Variants in RPS6KA2 observed in about 807,000 individuals in gnomAD.
The protein encoded by RPS6KA2 is ribosomal protein S6 kinase A2, also known as ribosomal protein S6 kinase alpha-2.
RPS6KA2 carries 42 observed loss-of-function variants against 91.8 expected under a neutral mutation model. The ratio of observed to expected loss-of-function variants is 0.46; its 90% CI spans 0.36 to 0.59. RPS6KA2 has a LOEUF of 0.59. Among genes scored for constraint, RPS6KA2 ranks in the 20% least tolerant of loss-of-function variants. The probability of loss-of-function intolerance (pLI) is 0.00; values close to 1 mark genes in which losing one functional copy is unlikely to be tolerated. For missense variants in RPS6KA2, 798 were observed against 978.5 expected (o/e 0.82, Z 2.46); for synonymous variants, 414 against 393.6 (o/e 1.05, Z -0.61).
chr6:166,716,065 G>GGAAA (rs368354665), intron 2 of RPS6KA2, among the ~76,000 whole-genome samples: 22,978 of 85,498 alleles, frequency 0.27, 3,884 homozygotes, highest in African/African-American at 0.45. Flanking sequence ...AAAAAAAGAA[G>GGAAA]GAAAGAAAGA....
At position 166,556,833 on chromosome 6, in the gene RPS6KA2, C is replaced by CA. The variant is rs1337463989; in HGVS notation, c.100-18050dup. Among the ~76,000 whole-genome samples, 10 of 152,100 alleles carry CA rather than the reference C, an allele frequency of 6.6e-5. No homozygotes were observed. The East Asian group carries it at 7.7e-4, about 12-fold the overall frequency. On this transcript the variant is annotated intron_variant, in intron 1 of 20. Transcript: ENST00000265678. Reference sequence around the variant, plus strand: ...CACCAGAAACCCAAACAAAACACAACAAAAAAAACTTGTCAGGGCAGTCTT... The same window carrying CA: ...CACCAGAAACCCAAACAAAACACAACAAAAAAAAACTTGTCAGGGCAGTCTT...
At chr6:166,519,999 T>A (rs1782796231) in intron 3 of RPS6KA2, among the ~76,000 whole-genome samples, 1 of 152,116 alleles carries the variant, frequency 6.6e-6, no homozygotes, top group Non-Finnish European at 1.5e-5. Context: ...TGAGTAAAGA[T>A]CACCCTCCCC....
intron 2 of RPS6KA2, among the ~76,000 whole-genome samples, chr6:166,772,406 A>G (rs999089422): frequency 2.0e-5 from 3 of 152,226 alleles, no homozygotes; most frequent in Non-Finnish European, 2.9e-5. Context: ...GGAGTCGAGC[A>G]AGGAGGAAGA....
intron 1 of RPS6KA2, among the ~76,000 whole-genome samples, chr6:166,624,357 C>G (rs1786753412): frequency 6.6e-6 from 1 of 152,216 alleles, no homozygotes; most frequent in South Asian, 2.1e-4. Flanking sequence ...AAATACACAT[C>G]TGTGTTCAGT....
At chr6:166,487,001 T>C (rs1181233977) in intron 10 of RPS6KA2, among the ~76,000 whole-genome samples, 3 of 152,222 alleles carry the variant, frequency 2.0e-5, no homozygotes, top group Non-Finnish European at 4.4e-5. Flanking sequence ...TGTGGACGTT[T>C]CATAATTGAT....
At chr6:166,819,218 T>C (rs940423032) in intron 2 of RPS6KA2, among the ~76,000 whole-genome samples, 2 of 152,220 alleles carry the variant, frequency 1.3e-5, no homozygotes, top group African/African-American at 4.8e-5. Context: ...AGGAATTCCA[T>C]CTATGTGTTG....
At chr6:166,862,494 C>T in exon 1 of RPS6KA2, 1 of 670,200 alleles carries the variant, frequency 1.5e-6, no homozygotes, top group South Asian at 2.2e-5. Context: ...GGCGCTGCGG[C>T]TTCGGAATCT....
At chr6:166,534,955 G>A (rs1041690249) in intron 2 of RPS6KA2, among the ~76,000 whole-genome samples, 2 of 152,204 alleles carry the variant, frequency 1.3e-5, no homozygotes, top group East Asian at 1.9e-4. Context: ...GCTGGTCTGC[G>A]ACAGGGATCT....
At chr6:166,721,239 G>A (rs966352364) in intron 2 of RPS6KA2, among the ~76,000 whole-genome samples, 4 of 152,222 alleles carry the variant, frequency 2.6e-5, no homozygotes, top group African/African-American at 7.2e-5. Flanking sequence ...GACATCGGGG[G>A]TGCGACTGAG....
intron 3 of RPS6KA2, among the ~76,000 whole-genome samples, chr6:166,526,546 G>A (rs1183615259): frequency 6.6e-6 from 1 of 151,810 alleles, no homozygotes; most frequent in Admixed American, 6.6e-5. Flanking sequence ...TAGAGATGGG[G>A]TCTTAACATG....
intron 1 of RPS6KA2, among the ~76,000 whole-genome samples, chr6:166,582,513 C>T (rs1158329254): frequency 6.6e-6 from 1 of 152,080 alleles, no homozygotes; most frequent in East Asian, 1.9e-4. Context: ...AATTACATTC[C>T]ACAACTGAAA....
chr6:166,596,754 T>C (rs1021136689), intron 1 of RPS6KA2, among the ~76,000 whole-genome samples: 6 of 152,190 alleles, frequency 3.9e-5, no homozygotes, highest in Non-Finnish European at 7.3e-5. Flanking sequence ...CCCTTTCACA[T>C]ATACATCTAT....
rs1268723172 is a variant in RPS6KA2 at position 166,508,699 on chromosome 6, CCTT to C, written c.380-420_380-418del. ...ATGTCCTTTCCGTCCTATGGAAGTGCCTTCTTCTTACAGAACTCCACTCTGGTA... is the reference window on the plus strand; with the variant it reads ...ATGTCCTTTCCGTCCTATGGAAGTGCCTTCTTACAGAACTCCACTCTGGTA... On this transcript the variant is annotated intron_variant, in intron 4 of 20. Coordinates refer to ENST00000265678, the MANE Select transcript of RPS6KA2 (RefSeq NM_021135.6). The surrounding 1 kb of genome is among the most constrained non-coding windows in gnomAD (Gnocchi z 4.3). Among the ~76,000 whole-genome samples, 4 of 152,318 alleles carry C rather than the reference CCTT, an allele frequency of 2.6e-5. No homozygotes were observed. The highest frequency in any genetic ancestry group is 2.1e-4 in the South Asian group (1 of 4,822).
chr6:166,514,297 C>T (rs770097895), intron 3 of RPS6KA2, among the ~76,000 whole-genome samples: 7 of 152,222 alleles, frequency 4.6e-5, no homozygotes, highest in Non-Finnish European at 7.3e-5. Flanking sequence ...GAAGTGAGAG[C>T]CCAGTGGGGA....
At chr6:166,638,705 G>T (rs766523949) in intron 2 of RPS6KA2, among the ~76,000 whole-genome samples, 1 of 152,180 alleles carries the variant, frequency 6.6e-6, no homozygotes, top group Non-Finnish European at 1.5e-5. Flanking sequence ...GGCGGTAGAG[G>T]ATGGGTCCCA....
At chr6:166,413,546 T>G (rs1029165133) in intron 20 of RPS6KA2, among the ~76,000 whole-genome samples, 2 of 152,138 alleles carry the variant, frequency 1.3e-5, no homozygotes, top group Non-Finnish European at 2.9e-5. Context: ...GCTTTGAACT[T>G]GAGTGGAACA....
chr6:166,721,738 A>G (rs1262625046), intron 2 of RPS6KA2, among the ~76,000 whole-genome samples: 1 of 152,184 alleles, frequency 6.6e-6, no homozygotes, highest in Non-Finnish European at 1.5e-5. Context: ...CAGAGTTAGC[A>G]GAGCTGGACT....
rs575663736 is a variant in RPS6KA2, at chr6:166,688,484, A to G, written c.124-149700T>C. Among the ~76,000 whole-genome samples, 73 of 152,330 alleles carry G rather than the reference A, an allele frequency of 4.8e-4. No individual in the cohort carries two copies. In the Middle Eastern group the frequency reaches 0.01, roughly 21 times the overall value. On this transcript the variant is annotated intron_variant, in intron 2 of 21. Coordinates refer to the RPS6KA2 transcript ENST00000503859. ...GTGGCTGGGTTCACAAGTCAGGACC[A>G]AGTGATTAAGCAGGGCCACGTGTGC... is the stretch of plus-strand genomic sequence containing the variant.
intron 2 of RPS6KA2, among the ~76,000 whole-genome samples, chr6:166,679,847 C>T (rs956608704): frequency 2.8e-4 from 42 of 152,374 alleles, no homozygotes; most frequent in African/African-American, 9.9e-4. Context: ...AAGCCCCGCA[C>T]TCAGCGCGGT....
Sources: gnomAD v4.1 joint callset for allele counts (sites outside exome capture counted in the v4.1 genomes callset) on GRCh38, gnomAD v4.1.1 for gene constraint, Gnocchi (gnomAD v3.1) non-coding constraint, MANE v1.5 for transcripts, NCBI Gene and HGNC (gene_info 2026-07-23, HGNC 2026-07-21) for gene names.